Variants in ADA2 observed in about 807,000 individuals in gnomAD.
ADA2 encodes the protein adenosine deaminase CECR1.
A neutral mutation model predicts 44.2 loss-of-function variants in ADA2; 29 were observed. The ratio of observed to expected loss-of-function variants is 0.66; its 90% confidence interval spans 0.49 to 0.89. The LOEUF (loss-of-function observed/expected upper bound fraction) is 0.89. Among genes scored for constraint, ADA2 ranks in the 40% least tolerant of loss-of-function variants. ADA2 has a pLI of 0.00. For missense variants in ADA2, 637 were observed against 644.8 expected (o/e 0.99, Z 0.13); for synonymous variants, 215 against 234.9 (o/e 0.92, Z 0.77).
chr22:17,198,941 C>T, intron 4 of ADA2: 1 of 153,796 alleles, frequency 6.5e-6, no homozygotes, highest in Non-Finnish European at 1.4e-5. Flanking sequence ...AATTAGCCTG[C>T]GACCAGGCAG....
At chr22:17,210,053 G>A (rs1268167359) in intron 1 of ADA2, among the ~76,000 whole-genome samples, 3 of 151,906 alleles carry the variant, frequency 2.0e-5, no homozygotes, top group African/African-American at 7.3e-5. Flanking sequence ...ACCATGCCCG[G>A]CTAATTTTTT....
At chr22:17,204,379 G>T (rs1204722602) in intron 3 of ADA2, among the ~76,000 whole-genome samples, 2 of 152,150 alleles carry the variant, frequency 1.3e-5, no homozygotes, top group African/African-American at 4.8e-5. Context: ...CACTTTGGGA[G>T]GCCAAGATGG....
At chr22:17,215,470 G>A (rs570823679) in intron 1 of ADA2, among the ~76,000 whole-genome samples, 37 of 152,050 alleles carry the variant, frequency 2.4e-4, no homozygotes, top group Non-Finnish European at 4.0e-4. Context: ...GCTGAGCGTG[G>A]TGGCGGATGC....
intron 7 of ADA2, among the ~76,000 whole-genome samples, chr22:17,187,666 A>AC (rs1568970973): frequency 4.4e-5 from 3 of 67,664 alleles, no homozygotes; most frequent in Non-Finnish European, 9.9e-5. Context: ...ACGAAAAATT[A>AC]AAAAAAAAAA....
intron 5 of ADA2, among the ~76,000 whole-genome samples, chr22:17,190,641 C>T (rs1269619826): frequency 6.6e-6 from 1 of 152,264 alleles, no homozygotes; most frequent in Non-Finnish European, 1.5e-5. Context: ...CTCTCCTGCT[C>T]CAATCCTCGG....
At chr22:17,219,805 G>A (rs1279426267), upstream of ADA2, among the ~76,000 whole-genome samples, 1 of 151,574 alleles carries the variant, frequency 6.6e-6, no homozygotes, top group Non-Finnish European at 1.5e-5. Flanking sequence ...CTCCCGAGTA[G>A]CTGGGATTGC....
intron 4 of ADA2, chr22:17,193,160 G>C: frequency 7.1e-7 from 1 of 1,416,404 alleles, no homozygotes; most frequent in Non-Finnish European, 9.8e-7. Context: ...CAAGGAGCTG[G>C]AAGTGCTGCT....
Position 17,187,666 on chromosome 22 carries a change from A to T in ADA2, c.1081+673T>A, listed in dbSNP as rs531150980. 2.5e-4 allele frequency among the ~76,000 whole-genome samples: 17 copies of T among 67,670 alleles called. No individual in the cohort carries two copies. In the South Asian group the frequency reaches 2.9e-3, roughly 11 times the overall value. The allele number at this position is 67,670 out of a possible 152,430, so 44.4% of individuals were successfully genotyped here. On this transcript the variant is annotated intron_variant, in intron 7 of 9. Coordinates refer to ENST00000399837, the MANE Select transcript of ADA2 (RefSeq NM_001282225.2). ...GATTATGCCCCTACCACGAAAAATT[A>T]AAAAAAAAAAAAAAAAGAAGAAGAA...
rs1200657722 is a variant in ADA2 at position 17,179,621 on chromosome 22, G to C, written c.*1862C>G. ...GGGGAAAGAAGGAATCTTCCAGGCA[G>C]AGAGAAAGAGAAAAGACCCAGGCAC... On this transcript the variant is annotated 3_prime_UTR_variant, in exon 10 of 10. Coordinates refer to ENST00000399837, the MANE Select transcript of ADA2 (RefSeq NM_001282225.2). The C allele has an allele frequency of 6.6e-6, 1 of 152,328 alleles. No individual in the cohort carries two copies. The highest frequency in any genetic ancestry group is 1.5e-5 in the Non-Finnish European group (1 of 68,132). 9.4% of individuals were successfully genotyped at this position (152,328 alleles called of 1,614,324 possible). A position where few individuals can be genotyped will look rare whatever the true frequency, so the allele number is the denominator to read the frequency against.
chr22:17,202,300 T>C (rs2062298792), intron 4 of ADA2, among the ~76,000 whole-genome samples: 1 of 152,076 alleles, frequency 6.6e-6, no homozygotes, highest in Non-Finnish European at 1.5e-5. Flanking sequence ...CAGCTAATTT[T>C]TGTATTTTTA....
At chr22:17,220,624 G>C (rs2062516244), upstream of ADA2, among the ~76,000 whole-genome samples, 1 of 151,912 alleles carries the variant, frequency 6.6e-6, no homozygotes, top group African/African-American at 2.4e-5. Context: ...GCTACACCAG[G>C]GACCTCCATG....
chr22:17,199,438 T>TCTTCCCCTCCCTCCCCTCCTCTATCCA, intron 4 of ADA2: 29 of 995,394 alleles, frequency 2.9e-5, no homozygotes, highest in East Asian at 4.9e-5. Flanking sequence ...TCCTCTATCC[T>TCTTCCCCTCCCTCCCCTCCTCTATCCA]CTTCCCCTCC....
At chr22:17,199,627 C>T (rs773032685) in intron 4 of ADA2, 5 of 1,613,904 alleles carry the variant, frequency 3.1e-6, no homozygotes, top group Admixed American at 1.7e-5. Flanking sequence ...TCTGGGATCG[C>T]CATTTGAGGT....
chr22:17,212,047 G>A (rs749776240), intron 1 of ADA2, among the ~76,000 whole-genome samples: 2 of 151,566 alleles, frequency 1.3e-5, no homozygotes, highest in African/African-American at 4.8e-5. Flanking sequence ...TGTGGGGGAC[G>A]GAGTTTCGCT....
chr22:17,190,967 G>A (rs1407627332), intron 5 of ADA2, among the ~76,000 whole-genome samples: 1 of 152,378 alleles, frequency 6.6e-6, no homozygotes, highest in East Asian at 1.9e-4. Context: ...GCCCAGGCTC[G>A]TGGGTGAGCT....
At chr22:17,190,677 C>T (rs1475479279) in intron 5 of ADA2, among the ~76,000 whole-genome samples, 1 of 152,200 alleles carries the variant, frequency 6.6e-6, no homozygotes, top group Non-Finnish European at 1.5e-5. Context: ...GCCTTCCTGG[C>T]CTGCCCCACC....
chr22:17,191,677 T>A lies in ADA2; in HGVS notation c.881+6A>T, dbSNP rs759682181. On this transcript the variant is annotated splice_donor_region_variant and intron_variant, in intron 5 of 9. Coordinates refer to ENST00000399837, the MANE Select transcript of ADA2 (RefSeq NM_001282225.2). ...ACCCGAGCTTTTCAGCAATATTCTC[T>A]CTCACCTGTGATCCGAATAAATGAT... 1.6e-5 allele frequency: 25 copies of A among 1,611,654 alleles called. No individual in the cohort carries two copies. The highest frequency in any genetic ancestry group is 2.1e-5 in the Non-Finnish European group (25 of 1,178,550).
chr22:17,182,451 T>C (rs1485126517), intron 8 of ADA2, among the ~76,000 whole-genome samples, 153 bp downstream of exon 8: 1 of 152,132 alleles, frequency 6.6e-6, no homozygotes, highest in Non-Finnish European at 1.5e-5. Context: ...AAAAGGCCCC[T>C]CCTGAATAAC....
intron 1 of ADA2, among the ~76,000 whole-genome samples, chr22:17,217,384 G>C (rs1367603001): frequency 1.3e-5 from 2 of 152,176 alleles, no homozygotes; most frequent in Non-Finnish European, 2.9e-5. Context: ...GTATTTCAGA[G>C]CATTAGCATT....
Sources: allele counts gnomAD v4.1 joint callset (sites outside exome capture counted in the v4.1 genomes callset), GRCh38; gene constraint gnomAD v4.1.1; transcripts MANE v1.5; gene names NCBI Gene and HGNC (gene_info 2026-07-23, HGNC 2026-07-21).